CTNNA1: variants seen among roughly 807,000 people sequenced by gnomAD.
CTNNA1 encodes catenin alpha 1, also known as catenin alpha-1.
CTNNA1 carries 37 observed loss-of-function variants against 98.4 expected under a neutral mutation model. The ratio of observed to expected loss-of-function variants is 0.38; its 90% CI spans 0.29 to 0.49. The LOEUF (loss-of-function observed/expected upper bound fraction) is 0.49. Ranked by LOEUF, CTNNA1 falls within the 20% of genes least tolerant of loss-of-function variation. CTNNA1 has a pLI of 0.95. For missense variants in CTNNA1, 761 were observed against 1,147.2 expected, an observed-to-expected ratio of 0.66 and a Z score of 4.86; for synonymous variants, 404 against 413.2, an observed-to-expected ratio of 0.98 and a Z score of 0.27.
chr5:138,807,989 G>C (rs549105271), intron 3 of CTNNA1, among the ~76,000 whole-genome samples: 37 of 152,042 alleles, frequency 2.4e-4, no homozygotes, highest in South Asian at 1.7e-3. Context: ...GACCTCAGGT[G>C]ATCCACCCAC....
chr5:138,904,607 TAAC>T, intron 10 of CTNNA1, 166 bp downstream of exon 10: 1 of 903,908 alleles, frequency 1.1e-6, no homozygotes, highest in Non-Finnish European at 1.6e-6. Flanking sequence ...ATTTTTTGTT[TAAC>T]ATTAAGTGAC....
chr5:138,910,782 C>A (rs969558052), intron 10 of CTNNA1, among the ~76,000 whole-genome samples: 7 of 152,128 alleles, frequency 4.6e-5, no homozygotes, highest in African/African-American at 1.7e-4. Context: ...GCAGAGAGAA[C>A]AGCAAGTGCA....
chr5:138,873,397 T>C lies in CTNNA1; in HGVS notation c.1063-12815T>C, dbSNP rs778383547. 1 of 1,614,042 alleles carries C rather than the reference T, an allele frequency of 6.2e-7. No homozygotes were observed. The highest frequency in any genetic ancestry group is 1.1e-5 in the South Asian group (1 of 91,082). On this transcript the variant is annotated intron_variant, in intron 7 of 17. Coordinates refer to ENST00000302763, the MANE Select transcript of CTNNA1 (RefSeq NM_001903.5). The surrounding 1 kb of genome is among the most constrained non-coding windows in gnomAD (Gnocchi z 6.1). ...TTTCTTTGTCTCCCACATGGTAACT[T>C]GATGAGCTTATTCTTTTTGTATATT...
chr5:138,857,241 C>T lies in CTNNA1; in HGVS notation c.1063-28971C>T, dbSNP rs557924027. Among the ~76,000 whole-genome samples, 31 of 152,268 alleles carry T rather than the reference C, an allele frequency of 2.0e-4. No individual in the cohort carries two copies. In the Middle Eastern group the frequency reaches 0.01, roughly 50 times the overall value. ...ACTGCTTTGGTCATCATATCCTAGC[C>T]GTCTTCAGAAATCTGGAGTGACTGC... On this transcript the variant is annotated intron_variant, in intron 7 of 17. Coordinates refer to ENST00000302763, the MANE Select transcript of CTNNA1 (RefSeq NM_001903.5).
intron 7 of CTNNA1, among the ~76,000 whole-genome samples, chr5:138,828,692 C>T (rs1163920801): frequency 1.3e-5 from 2 of 152,156 alleles, no homozygotes; most frequent in African/African-American, 4.8e-5. Flanking sequence ...TACATCTTGT[C>T]TGTTCACTTA....
At chr5:138,868,492 C>G (rs906000302) in intron 7 of CTNNA1, among the ~76,000 whole-genome samples, 7 of 152,136 alleles carry the variant, frequency 4.6e-5, no homozygotes, top group Admixed American at 4.6e-4. Flanking sequence ...AACCAACCCC[C>G]AAGGTAGAGG....
intron 7 of CTNNA1, among the ~76,000 whole-genome samples, chr5:138,853,622 C>T (rs1763449777): frequency 6.6e-6 from 1 of 152,042 alleles, no homozygotes; most frequent in Non-Finnish European, 1.5e-5. Context: ...CTTACATGCA[C>T]ATAAGTTTGG....
At chr5:138,828,967 T>TA (rs1441560576) in intron 7 of CTNNA1, among the ~76,000 whole-genome samples, 1 of 152,070 alleles carries the variant, frequency 6.6e-6, no homozygotes, top group Non-Finnish European at 1.5e-5. Flanking sequence ...CTACAAAAAA[T>TA]ACAAAAGTTA....
chr5:138,920,633 G>C (rs1484009348), intron 11 of CTNNA1, among the ~76,000 whole-genome samples: 2 of 152,232 alleles, frequency 1.3e-5, no homozygotes, highest in African/African-American at 4.8e-5. Context: ...CCTGGGGCTT[G>C]AGGCCCTTTG....
intron 1 of CTNNA1, among the ~76,000 whole-genome samples, chr5:138,780,087 T>TA (rs1322624512): frequency 1.3e-5 from 2 of 152,224 alleles, no homozygotes; most frequent in East Asian, 3.8e-4. Flanking sequence ...AACATCATTG[T>TA]ATCCCAGTTT....
chr5:138,928,732 A>C (rs1423092075), intron 13 of CTNNA1, among the ~76,000 whole-genome samples: 1 of 152,148 alleles, frequency 6.6e-6, no homozygotes, highest in Non-Finnish European at 1.5e-5. Flanking sequence ...TCAGGAGTTC[A>C]AGACCAGCCT....
At chr5:138,905,836 A>G (rs1361065338) in intron 10 of CTNNA1, among the ~76,000 whole-genome samples, 1 of 152,152 alleles carries the variant, frequency 6.6e-6, no homozygotes, top group Admixed American at 6.5e-5. Context: ...CCACTTTCCC[A>G]TGTGTAAATT....
At chr5:138,888,089 G>A (rs1426506088) in intron 9 of CTNNA1, among the ~76,000 whole-genome samples, 4 of 152,184 alleles carry the variant, frequency 2.6e-5, no homozygotes, top group African/African-American at 9.7e-5. Context: ...GACCTAAAAA[G>A]ATGATGTATG....
chr5:138,905,111 A>ACATACATAC (rs534764046), intron 10 of CTNNA1, among the ~76,000 whole-genome samples: 4 of 139,262 alleles, frequency 2.9e-5, no homozygotes, highest in Non-Finnish European at 3.0e-5. Context: ...AAAAAAAAAA[A>ACATACATAC]ATACATACAT....
chr5:138,896,374 T>C (rs1756819473), intron 9 of CTNNA1, among the ~76,000 whole-genome samples: 1 of 152,184 alleles, frequency 6.6e-6, no homozygotes, highest in African/African-American at 2.4e-5. Flanking sequence ...GGGTCCTTAT[T>C]TTAATAAGAA....
At position 138,873,977 on chromosome 5, in the gene CTNNA1, C is replaced by T. The variant is rs1198887330; in HGVS notation, c.1063-12235C>T. 4.3e-6 allele frequency: 7 copies of T among 1,613,890 alleles called. No homozygotes were observed. Among genetic ancestry groups the T allele is most frequent in the Admixed American group, 1.7e-5 (1 of 60,008 alleles). ...TCCTGCAAATCCATTGCGAGCCAAA[C>T]TTCGCAAACGATTTGTGCTCAAATC... On this transcript the variant is annotated intron_variant, in intron 7 of 17. Transcript: ENST00000302763. The surrounding 1 kb of genome is among the most constrained non-coding windows in gnomAD (Gnocchi z 6.1).
chr5:138,790,399 A>G (rs1648090975), intron 3 of CTNNA1, among the ~76,000 whole-genome samples: 4 of 152,204 alleles, frequency 2.6e-5, no homozygotes, highest in Non-Finnish European at 4.4e-5. Context: ...AAATGTTTGC[A>G]TTATTTGCTT....
intron 9 of CTNNA1, among the ~76,000 whole-genome samples, chr5:138,902,489 G>A (rs534579844): frequency 6.6e-5 from 10 of 152,272 alleles, no homozygotes; most frequent in South Asian, 2.1e-4. Context: ...GCGTGATCTC[G>A]GCTCACTGCA....
At position 138,930,559 on chromosome 5, in the gene CTNNA1, T is replaced by C; in HGVS notation, c.2097T>C (p.Asp699=). Reference sequence around the variant, plus strand: ...TCCAGGAAGAAAAGAGCAAGCTGGATGCTGAAGTGTCCAAATGGGACGACA... The same window carrying C: ...TCCAGGAAGAAAAGAGCAAGCTGGACGCTGAAGTGTCCAAATGGGACGACA... ...ASFQEEKSKL[D]AEVSKWDDSG... The change falls in exon 15 of 18, where the codon GAT becomes GAC. Residue 699 remains aspartate (D), a synonymous_variant. Transcript: ENST00000302763. 6.2e-7 allele frequency: 1 copy of C among 1,613,974 alleles called. No homozygotes were observed. The highest frequency in any genetic ancestry group is 1.1e-5 in the South Asian group (1 of 91,072).
Sources: allele counts gnomAD v4.1 joint callset (sites outside exome capture counted in the v4.1 genomes callset), GRCh38; gene constraint gnomAD v4.1.1; non-coding constraint Gnocchi (gnomAD v3.1); transcripts MANE v1.5; gene names NCBI Gene and HGNC (gene_info 2026-07-23, HGNC 2026-07-21).